Variants in C3orf33 observed in about 807,000 individuals in gnomAD.
C3orf33 encodes mitochondrial inner membrane subdomain organizer 1, also known as AP-1 activity suppressor.
A neutral mutation model predicts 28.7 loss-of-function variants in C3orf33; 23 were observed. The observed-to-expected ratio is 0.80, with a 90% CI of 0.58 to 1.13. The LOEUF (loss-of-function observed/expected upper bound fraction) is 1.13. Ranked by LOEUF, C3orf33 falls within the 50% of genes most tolerant of loss-of-function variation. The pLI, the probability that C3orf33 is intolerant of heterozygous loss-of-function variation, is 0.00. For synonymous variants in C3orf33, 119 were observed against 120.5 expected (o/e 0.99, Z 0.08); for missense variants, 327 against 353.4 (o/e 0.93, Z 0.60).
rs1189444289 is a variant in C3orf33, at chr3:155,763,918, C to T, written c.484G>A (p.Gly162Ser). The T allele has an allele frequency of 7.1e-7, 1 of 1,412,302 alleles. No individual in the cohort carries two copies. Among genetic ancestry groups the T allele is most frequent in the African/African-American group, 1.5e-5 (1 of 67,750 alleles). The allele number at this position is 1,412,302 out of a possible 1,614,324, so 87.5% of individuals were successfully genotyped here. A position where few individuals can be genotyped will look rare whatever the true frequency, so the allele number is the denominator to read the frequency against. The change falls in exon 5 of 5, where the codon GGT becomes AGT. Residue 162 changes from glycine to serine, a missense_variant and splice_region_variant. Gly to Ser is a moderately conservative substitution (Grantham distance 56, BLOSUM62 0). Coordinates refer to ENST00000340171, the MANE Select transcript of C3orf33 (RefSeq NM_001308229.2). Reference protein sequence around the residue: ...ALFCYLLVSKGGYFSVNLNEE... With the variant: ...ALFCYLLVSKSGYFSVNLNEE... ...TTCAGATTCACGCTGAAATATCCAC[C>T]CTTGAATTTAAAAATAATACAAACC...
chr3:155,783,960 T>A (rs1751022585), intron 2 of C3orf33, among the ~76,000 whole-genome samples: 1 of 151,304 alleles, frequency 6.6e-6, no homozygotes, highest in East Asian at 2.0e-4. Flanking sequence ...AGACAGAGTT[T>A]CGCTCTTGTT....
intron 1 of C3orf33, chr3:155,805,848 C>T: frequency 1.9e-6 from 1 of 513,976 alleles, no homozygotes; most frequent in Non-Finnish European, 3.5e-6. Context: ...GACCAGGTGG[C>T]ATCCCCGAGC....
chr3:155,771,504 G>A (rs1750593007), intron 3 of C3orf33, among the ~76,000 whole-genome samples: 1 of 152,008 alleles, frequency 6.6e-6, no homozygotes, highest in Non-Finnish European at 1.5e-5. Context: ...CTGGACTCAA[G>A]CGATCCACCT....
Position 155,806,168 on chromosome 3 carries a change from A to C in C3orf33, c.85T>G (p.Trp29Gly). 1 of 1,487,532 alleles carries C rather than the reference A, an allele frequency of 6.7e-7. No individual in the cohort carries two copies. The highest frequency in any genetic ancestry group is 2.0e-5 in the Admixed American group (1 of 48,908). 92.1% of individuals were successfully genotyped at this position (1,487,532 alleles called of 1,614,324 possible). A position where few individuals can be genotyped will look rare whatever the true frequency, so the allele number is the denominator to read the frequency against. Residue 29 changes from tryptophan (W) to glycine (G), a missense_variant, in exon 1 of 5, where the codon TGG becomes GGG. By Grantham distance (184) the Trp-to-Gly change is radical (BLOSUM62 -2). Transcript: ENST00000340171. ...ACTAGGCGCAGGTGGTCGTCTGCCC[A>C]CTGCGAGATCCGAGCCACGACGTTG... ...EPNVVARISQ[W>G]ADDHLRLVRN... is the part of the protein sequence containing the mutation.
At chr3:155,772,204 C>CA (rs1750614259) in intron 3 of C3orf33, among the ~76,000 whole-genome samples, 1 of 152,088 alleles carries the variant, frequency 6.6e-6, no homozygotes, top group African/African-American at 2.4e-5. Context: ...GACCCAGTCT[C>CA]AAAATCAATC....
rs148981693 is a variant in C3orf33, at chr3:155,795,184, G to A, written c.174+7348C>T. Among the ~76,000 whole-genome samples, 390 of 152,258 alleles carry A rather than the reference G, an allele frequency of 2.6e-3. 2 individuals carry two copies. Among genetic ancestry groups the A allele is most frequent in the African/African-American group, 8.4e-3 (347 of 41,552 alleles). On this transcript the variant is annotated intron_variant, in intron 2 of 4. Transcript: ENST00000340171. ...TCTTAAAAAATTTCAAGCCGTGTGC[G>A]GTGGCTCACACCTGTAATCCCAGCA...
intron 2 of C3orf33, among the ~76,000 whole-genome samples, chr3:155,791,420 G>A (rs1468146076): frequency 6.6e-6 from 1 of 152,108 alleles, no homozygotes; most frequent in African/African-American, 2.4e-5. Context: ...CTATGGTGAG[G>A]GACTCCTTCT....
chr3:155,764,058 C>T, intron 4 of C3orf33, 140 bp from the exon 5 acceptor site: 1 of 514,080 alleles, frequency 1.9e-6, no homozygotes, highest in Non-Finnish European at 3.1e-6. Context: ...AAGGCTCCCC[C>T]AAAACAGCTC....
In C3orf33 at chr3:155,788,053, T is replaced by C. The variant is rs35554676; in HGVS notation, c.175-12205A>G. Among the ~76,000 whole-genome samples, 658 of 151,594 alleles carry C rather than the reference T, an allele frequency of 4.3e-3. 4 individuals carry two copies. Among genetic ancestry groups the C allele is most frequent in the Non-Finnish European group, 5.9e-3 (402 of 67,864 alleles). Reference sequence around the variant, plus strand: ...AAAAATACAAAAAATTAGCCGGGCGTGGTGGCGGGCGCCTGTAGTCCCAGC... The same window carrying C: ...AAAAATACAAAAAATTAGCCGGGCGCGGTGGCGGGCGCCTGTAGTCCCAGC... On this transcript the variant is annotated intron_variant, in intron 2 of 4. Coordinates refer to ENST00000340171, the MANE Select transcript of C3orf33 (RefSeq NM_001308229.2).
At chr3:155,781,615 A>G (rs1482333447) in intron 2 of C3orf33, among the ~76,000 whole-genome samples, 1 of 151,452 alleles carries the variant, frequency 6.6e-6, no homozygotes, top group Admixed American at 6.6e-5. Flanking sequence ...TAAAAATACA[A>G]AAAATTAGCC....
chr3:155,785,687 G>T (rs772765220), intron 2 of C3orf33, among the ~76,000 whole-genome samples: 1 of 152,108 alleles, frequency 6.6e-6, no homozygotes, highest in Non-Finnish European at 1.5e-5. Flanking sequence ...ACAGAATATA[G>T]TGAAAGCAGT....
At chr3:155,778,210 C>A (rs1750812780) in intron 2 of C3orf33, among the ~76,000 whole-genome samples, 1 of 138,006 alleles carries the variant, frequency 7.2e-6, no homozygotes, top group African/African-American at 2.7e-5. Context: ...TGAGACATAA[C>A]AAGTAAATAT....
intron 4 of C3orf33, among the ~76,000 whole-genome samples, chr3:155,766,175 CA>C (rs1293691396): frequency 3.3e-5 from 5 of 152,040 alleles, no homozygotes; most frequent in Non-Finnish European, 5.9e-5. Context: ...ATTATAGGCA[CA>C]AGCGACTGTA....
At chr3:155,787,351 T>TC (rs1751152734) in intron 2 of C3orf33, among the ~76,000 whole-genome samples, 1 of 135,602 alleles carries the variant, frequency 7.4e-6, no homozygotes. Context: ...GGTATGCTTT[T>TC]TTTTTTTTTT....
At chr3:155,764,522 A>C (rs1187875827) in intron 4 of C3orf33, among the ~76,000 whole-genome samples, 3 of 151,456 alleles carry the variant, frequency 2.0e-5, no homozygotes, top group Non-Finnish European at 4.4e-5. Flanking sequence ...ATGAAACTGG[A>C]TAAATGGGAT....
intron 3 of C3orf33, among the ~76,000 whole-genome samples, chr3:155,772,040 CAA>C (rs149370005): frequency 4.0e-5 from 6 of 151,748 alleles, no homozygotes; most frequent in Admixed American, 2.6e-4. Flanking sequence ...CCCCTTTCTA[CAA>C]AAAAAACTTA....
chr3:155,804,755 G>C (rs987473298), intron 1 of C3orf33, among the ~76,000 whole-genome samples: 2 of 152,102 alleles, frequency 1.3e-5, no homozygotes, highest in African/African-American at 4.8e-5. Flanking sequence ...CACTTGCTCT[G>C]AGATGTTATT....
intron 4 of C3orf33, among the ~76,000 whole-genome samples, chr3:155,766,455 A>G (rs1452721893): frequency 6.6e-6 from 1 of 152,240 alleles, no homozygotes; most frequent in African/African-American, 2.4e-5. Context: ...TTACAGTTCA[A>G]AGATTTATAC....
chr3:155,798,397 G>A (rs1751541162), intron 2 of C3orf33, among the ~76,000 whole-genome samples: 1 of 152,058 alleles, frequency 6.6e-6, no homozygotes, highest in African/African-American at 2.4e-5. Flanking sequence ...AACTAAAATG[G>A]CATGGTACTG....
Sources: allele counts gnomAD v4.1 joint callset (sites outside exome capture counted in the v4.1 genomes callset), GRCh38; gene constraint gnomAD v4.1.1; transcripts MANE v1.5; gene names NCBI Gene and HGNC (gene_info 2026-07-23, HGNC 2026-07-21).